PICK1: variants seen among roughly 807,000 people sequenced by gnomAD.
The protein encoded by PICK1 is PRKCA-binding protein.
Under a neutral mutation model 48.9 loss-of-function variants are expected in PICK1, and 23 were observed. The observed-to-expected ratio is 0.47, with a 90% confidence interval of 0.34 to 0.67. PICK1 has a LOEUF of 0.67. Ranked by LOEUF, PICK1 falls within the 30% of genes least tolerant of loss-of-function variation. The pLI, the probability that PICK1 is intolerant of heterozygous loss-of-function variation, is 0.01. For missense variants in PICK1, 423 were observed against 557.1 expected, an observed-to-expected ratio of 0.76 and a Z score of 2.42; for synonymous variants, 217 against 228.2, an observed-to-expected ratio of 0.95 and a Z score of 0.44.
chr22:38,069,430 C>T (rs778058061), intron 6 of PICK1, among the ~76,000 whole-genome samples: 5 of 152,222 alleles, frequency 3.3e-5, no homozygotes, highest in African/African-American at 7.2e-5. Flanking sequence ...AGCACTCTCG[C>T]GGCCCACCTC....
intron 5 of PICK1, among the ~76,000 whole-genome samples, chr22:38,068,407 G>A (rs966772904): frequency 6.6e-6 from 1 of 152,200 alleles, no homozygotes; most frequent in Non-Finnish European, 1.5e-5. Context: ...TGCAGCCCCT[G>A]GTGAGCGCAC....
chr22:38,059,059 C>T (rs1228242863), intron 2 of PICK1, among the ~76,000 whole-genome samples, 175 bp from the exon 3 acceptor site: 2 of 152,158 alleles, frequency 1.3e-5, no homozygotes, highest in South Asian at 2.1e-4. Context: ...GGGTTTGATC[C>T]CACATCTGCT....
At position 38,069,075 on chromosome 22, in the gene PICK1, C is replaced by A; in HGVS notation, c.392C>A (p.Ser131Ter). The change falls in exon 6 of 13, where the codon TCA (serine) becomes TAA (stop). Residue 131 changes from serine (S) to a stop codon, truncating the protein, a stop_gained. Transcript: ENST00000356976. LOFTEE classifies it high-confidence loss of function. ...CACCGGCTGGTGGAGAACATGAGTT[C>A]AGGGACCGCAGATGCTCTGGGCCTG... Reference protein sequence around the residue: ...VKHRLVENMSSGTADALGLSR... With the variant: ...VKHRLVENMS 6.2e-7 allele frequency: 1 copy of A among 1,613,040 alleles called. No individual in the cohort carries two copies. The highest frequency in any genetic ancestry group is 1.1e-5 in the South Asian group (1 of 90,816).
intron 3 of PICK1, among the ~76,000 whole-genome samples, chr22:38,063,625 TTCTTC>T (rs2085458298): frequency 6.6e-6 from 1 of 151,932 alleles, no homozygotes; most frequent in South Asian, 2.1e-4. Flanking sequence ...TGCCTTTCTT[TTCTTC>T]TCTTCTCTGT....
At position 38,069,079 on chromosome 22, in the gene PICK1, G is replaced by A; in HGVS notation, c.396G>A (p.Gly132=). The part of the protein sequence containing the change: ...KHRLVENMSS[G]TADALGLSRA... ...GGCTGGTGGAGAACATGAGTTCAGGGACCGCAGATGCTCTGGGCCTGAGCC... is the reference window on the plus strand; with the variant it reads ...GGCTGGTGGAGAACATGAGTTCAGGAACCGCAGATGCTCTGGGCCTGAGCC... Residue 132 remains glycine (G), a synonymous_variant, in exon 6 of 13, where the codon GGG becomes GGA. Transcript: ENST00000356976. The A allele has an allele frequency of 1.2e-6, 2 of 1,613,078 alleles. No homozygotes were observed. The highest frequency in any genetic ancestry group is 1.7e-6 in the Non-Finnish European group (2 of 1,179,662).
chr22:38,072,973 C>T (rs1302728302), intron 9 of PICK1, 27 bp from the exon 10 acceptor site: 2 of 1,511,550 alleles, frequency 1.3e-6, no homozygotes, highest in Admixed American at 3.3e-5. Flanking sequence ...GCCGTGACAG[C>T]CTCAGCATCC....
In PICK1 at chr22:38,074,743, G is replaced by A; in HGVS notation, c.980-121G>A. ...CCTTGCCAGGTCATGAGGGGTCAGG[G>A]AAGTGCCCGAGTGGGAAGCCCAGGG... On this transcript the variant is annotated intron_variant, in intron 12 of 12. Coordinates refer to ENST00000356976, the MANE Select transcript of PICK1 (RefSeq NM_012407.4). The surrounding 1 kb of genome is among the most constrained non-coding windows in gnomAD (Gnocchi z 4.5). The A allele has an allele frequency of 2.3e-6, 3 of 1,316,068 alleles. No homozygotes were observed. Among genetic ancestry groups the A allele is most frequent in the Non-Finnish European group, 3.2e-6 (3 of 948,674 alleles). The allele number at this position is 1,316,068 out of a possible 1,614,324, so 81.5% of individuals were successfully genotyped here.
chr22:38,070,052 C>T (rs546145573), intron 6 of PICK1, among the ~76,000 whole-genome samples: 57 of 152,222 alleles, frequency 3.7e-4, no homozygotes, highest in Admixed American at 1.0e-3. Context: ...ACCGGGTGGC[C>T]AAAGCCTCCC....
intron 3 of PICK1, among the ~76,000 whole-genome samples, chr22:38,064,075 C>T (rs1256338034): frequency 3.3e-5 from 5 of 151,896 alleles, no homozygotes; most frequent in African/African-American, 9.7e-5. Flanking sequence ...TTATTATCTT[C>T]GAGACAGAGT....
chr22:38,073,953 C>A lies in PICK1; in HGVS notation c.834+130C>A. On this transcript the variant is annotated intron_variant, in intron 11 of 12. Transcript: ENST00000356976. This position sits in a 1 kb window ranked among gnomAD's most constrained non-coding sequence, Gnocchi z 5.7. ...GACTCTCGTTCCTGGAGATTTAGGGCCATCTTCCCAGTCCCGCTCGCTGGG... is the reference window on the plus strand; with the variant it reads ...GACTCTCGTTCCTGGAGATTTAGGGACATCTTCCCAGTCCCGCTCGCTGGG... The A allele has an allele frequency of 1.0e-6, 1 of 955,868 alleles. No homozygotes were observed. Among genetic ancestry groups the A allele is most frequent in the Non-Finnish European group, 1.7e-6 (1 of 603,428 alleles). The allele number at this position is 955,868 out of a possible 1,614,324, so 59.2% of individuals were successfully genotyped here.
rs987210138 is a variant in PICK1, at chr22:38,066,578, G to T, written c.283-1126G>T. On this transcript the variant is annotated intron_variant, in intron 4 of 12. Coordinates refer to ENST00000356976, the MANE Select transcript of PICK1 (RefSeq NM_012407.4). This position sits in a 1 kb window ranked among gnomAD's most constrained non-coding sequence, Gnocchi z 4.1. ...CTGCTTGTGGTCACACAGCTGAACTGGAGCCCGGGCCCGACTCCCACTGCA... is the reference window on the plus strand; with the variant it reads ...CTGCTTGTGGTCACACAGCTGAACTTGAGCCCGGGCCCGACTCCCACTGCA... Among the ~76,000 whole-genome samples, 1 of 152,168 alleles carries T rather than the reference G, an allele frequency of 6.6e-6. No homozygotes were observed. Among genetic ancestry groups the T allele is most frequent in the African/African-American group, 2.4e-5 (1 of 41,434 alleles).
intron 3 of PICK1, 135 bp from the exon 4 acceptor site, chr22:38,064,867 G>A: frequency 3.0e-6 from 3 of 992,994 alleles, no homozygotes; most frequent in Non-Finnish European, 4.8e-6. Context: ...TCCAGCCCGG[G>A]TGGTGAGACG....
chr22:38,071,310 C>T (rs2085684399), intron 7 of PICK1, among the ~76,000 whole-genome samples: 1 of 152,322 alleles, frequency 6.6e-6, no homozygotes, highest in South Asian at 2.1e-4. Context: ...CACCACCGCA[C>T]TCTAGTCTGG....
intron 3 of PICK1, among the ~76,000 whole-genome samples, chr22:38,061,969 A>G (rs996028478): frequency 6.6e-6 from 1 of 152,158 alleles, no homozygotes; most frequent in African/African-American, 2.4e-5. Flanking sequence ...GGCTAAATTA[A>G]TATTAGTACA....
chr22:38,057,293 C>G (rs1409950884), upstream of PICK1: 1 of 182,654 alleles, frequency 5.5e-6, no homozygotes, highest in African/African-American at 2.4e-5. Flanking sequence ...TGTTCTCGTT[C>G]TTGGTTCCGA....
chr22:38,057,876 C>T (rs776151548), intron 2 of PICK1, 26 bp downstream of exon 2: 3 of 1,595,884 alleles, frequency 1.9e-6, no homozygotes, highest in South Asian at 1.1e-5. Context: ...CCCCAAGTTC[C>T]AGCAGTATAG....
At chr22:38,063,003 C>A (rs918589563) in intron 3 of PICK1, among the ~76,000 whole-genome samples, 2 of 152,144 alleles carry the variant, frequency 1.3e-5, no homozygotes, top group African/African-American at 4.8e-5. Flanking sequence ...ATGGTAGCTG[C>A]AGGCACAGGC....
In PICK1 at chr22:38,075,163, G is replaced by A; in HGVS notation, c.*31G>A. The A allele has an allele frequency of 1.3e-6, 2 of 1,593,316 alleles. No individual in the cohort carries two copies. The highest frequency in any genetic ancestry group is 1.3e-5 in the African/African-American group (1 of 74,578). On this transcript the variant is annotated 3_prime_UTR_variant, in exon 13 of 13. Transcript: ENST00000356976. Reference sequence around the variant, plus strand: ...CCGCGGCTGTGGTGCCGGGGGCAGGGTGCGTGGGAGGACGGAGCCTGGGAG... The same window carrying A: ...CCGCGGCTGTGGTGCCGGGGGCAGGATGCGTGGGAGGACGGAGCCTGGGAG...
intron 8 of PICK1, 85 bp from the exon 9 acceptor site, chr22:38,072,392 C>T: frequency 2.0e-6 from 3 of 1,533,534 alleles, no homozygotes; most frequent in Non-Finnish European, 2.7e-6. Context: ...CTGCCAGGCC[C>T]CCTGCCCTGC....
Sources: allele counts gnomAD v4.1 joint callset (sites outside exome capture counted in the v4.1 genomes callset), GRCh38; gene constraint gnomAD v4.1.1; non-coding constraint Gnocchi (gnomAD v3.1); transcripts MANE v1.5; gene names NCBI Gene and HGNC (gene_info 2026-07-23, HGNC 2026-07-21).